VAT1L: variants seen among roughly 807,000 people sequenced by gnomAD.
VAT1L encodes vesicle amine transport 1 like, also known as putative NADPH-dependent quinone oxidoreductase VAT1L.
A neutral mutation model predicts 44.1 loss-of-function variants in VAT1L; 34 were observed. The observed-to-expected ratio is 0.77, with a 90% confidence interval of 0.59 to 1.03. The LOEUF is 1.03. Among genes scored for constraint, VAT1L ranks in the 50% least tolerant of loss-of-function variants. VAT1L has a pLI of 0.00. For missense variants in VAT1L, 615 were observed against 538.8 expected, an observed-to-expected ratio of 1.14 and a Z score of -1.40; for synonymous variants, 253 against 202.2, an observed-to-expected ratio of 1.25 and a Z score of -2.13.
intron 1 of VAT1L, among the ~76,000 whole-genome samples, chr16:77,811,597 G>A (rs138681581): frequency 3.3e-5 from 5 of 152,084 alleles, no homozygotes; most frequent in Non-Finnish European, 5.9e-5. Context: ...CTTTATTCTC[G>A]CTTGGTCTCA....
At chr16:77,939,396 G>A (rs141526331) in intron 7 of VAT1L, among the ~76,000 whole-genome samples, 9 of 152,294 alleles carry the variant, frequency 5.9e-5, no homozygotes, top group Non-Finnish European at 1.0e-4. Flanking sequence ...GGAGGCGGGC[G>A]GGGTGGGGAC....
chr16:77,964,170 G>A (rs769116325), intron 7 of VAT1L, among the ~76,000 whole-genome samples: 4 of 152,052 alleles, frequency 2.6e-5, no homozygotes, highest in Non-Finnish European at 4.4e-5. Flanking sequence ...CTCTTTCTGT[G>A]GCTCACTCCT....
intron 7 of VAT1L, among the ~76,000 whole-genome samples, chr16:77,914,513 G>T (rs936839681): frequency 1.3e-5 from 2 of 152,140 alleles, no homozygotes; most frequent in African/African-American, 4.8e-5. Flanking sequence ...GTAGATGAAA[G>T]AAAGTAATGG....
chr16:77,854,495 G>GA (rs2016838684), intron 3 of VAT1L, among the ~76,000 whole-genome samples: 1 of 152,066 alleles, frequency 6.6e-6, no homozygotes, highest in African/African-American at 2.4e-5. Flanking sequence ...AGCGTGATCT[G>GA]AAAAAAATGT....
intron 7 of VAT1L, among the ~76,000 whole-genome samples, chr16:77,954,580 G>A (rs540471148): frequency 2.6e-4 from 40 of 152,260 alleles, no homozygotes; most frequent in Admixed American, 5.9e-4. Context: ...AGCCAAGATC[G>A]TGCCACTGTA....
chr16:77,892,349 T>G, intron 7 of VAT1L: 1 of 316,600 alleles, frequency 3.2e-6, no homozygotes, highest in Non-Finnish European at 6.1e-6. Context: ...TAGGAGCTCC[T>G]TCTGAGGCAC....
chr16:77,907,582 G>A (rs1417327412), intron 7 of VAT1L, among the ~76,000 whole-genome samples: 15 of 151,896 alleles, frequency 9.9e-5, no homozygotes, highest in South Asian at 6.3e-4. Flanking sequence ...TCCCTCCTAT[G>A]TACCCCCAGC....
intron 7 of VAT1L, among the ~76,000 whole-genome samples, chr16:77,923,189 G>A (rs1455406424): frequency 6.6e-6 from 1 of 152,174 alleles, no homozygotes; most frequent in Non-Finnish European, 1.5e-5. Context: ...AGTGGCTCAC[G>A]CCTGTAATTG....
rs145283670 is a variant in VAT1L, at chr16:77,814,350, G to A, written c.234-2571G>A. On this transcript the variant is annotated intron_variant, in intron 1 of 8. Transcript: ENST00000302536. The stretch of plus-strand genomic sequence containing the variant: ...AAATACACCTGCGTCCTAAAAATAG[G>A]GGGCATTCTCCATGACCTGACAGAA... Among the ~76,000 whole-genome samples, 110 of 152,164 alleles carry A rather than the reference G, an allele frequency of 7.2e-4. 1 individual carries two copies. The highest frequency in any genetic ancestry group is 2.5e-3 in the African/African-American group (105 of 41,514).
At chr16:77,939,401 G>A (rs561437756) in intron 7 of VAT1L, among the ~76,000 whole-genome samples, 71 of 152,264 alleles carry the variant, frequency 4.7e-4, no homozygotes, top group African/African-American at 1.7e-3. Flanking sequence ...CGGGCGGGGT[G>A]GGGACGGTGG....
chr16:77,791,442 A>G lies in VAT1L; in HGVS notation c.233+2527A>G, dbSNP rs1245965223. Among the ~76,000 whole-genome samples the G allele has an allele frequency of 2.6e-5, 4 of 152,216 alleles. No individual in the cohort carries two copies. In the East Asian group the frequency reaches 7.7e-4, roughly 29 times the overall value. Reference sequence around the variant, plus strand: ...AGGCAGGAAGAAATATCCATTTTATATCATGGACCCTTTTTCATTAATGCG... The same window carrying G: ...AGGCAGGAAGAAATATCCATTTTATGTCATGGACCCTTTTTCATTAATGCG... On this transcript the variant is annotated intron_variant, in intron 1 of 8. Coordinates refer to ENST00000302536, the MANE Select transcript of VAT1L (RefSeq NM_020927.3).
chr16:77,933,235 C>T (rs564578964), intron 7 of VAT1L, among the ~76,000 whole-genome samples: 27 of 152,288 alleles, frequency 1.8e-4, no homozygotes, highest in Middle Eastern at 3.4e-3. Context: ...TTCCCATTGT[C>T]GCCTAAGAAA....
At chr16:77,945,683 A>C (rs1207228495) in intron 7 of VAT1L, among the ~76,000 whole-genome samples, 1 of 152,088 alleles carries the variant, frequency 6.6e-6, no homozygotes, top group Non-Finnish European at 1.5e-5. Context: ...AGCAAGAAAA[A>C]TCATACTCCC....
chr16:77,919,982 T>G lies in VAT1L; in HGVS notation c.1077+35180T>G, dbSNP rs371309694. Among the ~76,000 whole-genome samples, 64 of 151,900 alleles carry G rather than the reference T, an allele frequency of 4.2e-4. 1 individual carries two copies. The highest frequency in any genetic ancestry group is 1.4e-3 in the African/African-American group (59 of 41,404). ...GCCTGTAATCCCAGCCTCTTGAGAG[T>G]CTGACATACGAGAATTGCTTGAACC... On this transcript the variant is annotated intron_variant, in intron 7 of 8. Coordinates refer to ENST00000302536, the MANE Select transcript of VAT1L (RefSeq NM_020927.3).
At chr16:77,839,547 A>AAAAAAAAG (rs2016681070) in intron 3 of VAT1L, among the ~76,000 whole-genome samples, 1 of 122,362 alleles carries the variant, frequency 8.2e-6, no homozygotes, top group African/African-American at 3.1e-5. Flanking sequence ...AAAAAAAAAA[A>AAAAAAAAG]AAAAAAAAAA....
At chr16:77,892,445 G>T (rs1019019524) in intron 7 of VAT1L, 1 of 489,908 alleles carries the variant, frequency 2.0e-6, no homozygotes, top group Non-Finnish European at 4.1e-6. Flanking sequence ...CACTATGTTG[G>T]GGTTGACAGT....
intron 4 of VAT1L, among the ~76,000 whole-genome samples, chr16:77,869,733 A>G (rs1305178161): frequency 6.6e-6 from 1 of 152,202 alleles, no homozygotes; most frequent in Non-Finnish European, 1.5e-5. Context: ...TGGCTCTGGA[A>G]GTTAGGAAAC....
intron 7 of VAT1L, among the ~76,000 whole-genome samples, chr16:77,927,513 T>A (rs996952357): frequency 6.6e-6 from 1 of 152,108 alleles, no homozygotes; most frequent in African/African-American, 2.4e-5. Context: ...TTTGCTGTCA[T>A]CCTATGGCCA....
intron 7 of VAT1L, among the ~76,000 whole-genome samples, chr16:77,944,724 C>A (rs942882975): frequency 6.6e-6 from 1 of 152,106 alleles, no homozygotes; most frequent in Non-Finnish European, 1.5e-5. Context: ...AGTCAGAGCT[C>A]AAATAGATAT....
Sources: allele counts gnomAD v4.1 joint callset (sites outside exome capture counted in the v4.1 genomes callset), GRCh38; gene constraint gnomAD v4.1.1; transcripts MANE v1.5; gene names NCBI Gene and HGNC (gene_info 2026-07-23, HGNC 2026-07-21).